The following SPMIP2 variants were observed in gnomAD, a reference collection of about 807,000 sequenced individuals.
SPMIP2 encodes sperm microtubule inner protein 2.
At chr4:159,030,695 C>T in the SPMIP2 span, among the ~76,000 whole-genome samples, 6 of 152,138 alleles carry the variant, frequency 3.9e-5, no homozygotes, top group African/African-American at 1.2e-4. Context: ...TGGGGCTTCA[C>T]CATGTTGGTC....
At chr4:158,979,036 G>A in the SPMIP2 span, among the ~76,000 whole-genome samples, 22 of 152,170 alleles carry the variant, frequency 1.4e-4, no homozygotes, top group African/African-American at 5.1e-4. Flanking sequence ...CCCTGACTGG[G>A]GGTGCTGCCT....
chr4:158,969,967 T>C, the SPMIP2 span, among the ~76,000 whole-genome samples: 103 of 151,948 alleles, frequency 6.8e-4, no homozygotes, highest in Middle Eastern at 6.8e-3. Context: ...AAAGGGTCTA[T>C]AGACAGATAA....
chr4:159,024,333 A>C, the SPMIP2 span, among the ~76,000 whole-genome samples: 1 of 152,164 alleles, frequency 6.6e-6, no homozygotes, highest in Non-Finnish European at 1.5e-5. Flanking sequence ...GGGGGCTTTT[A>C]ATAGGCACGG....
chr4:158,898,740 A>G, the SPMIP2 span, among the ~76,000 whole-genome samples: 1 of 152,150 alleles, frequency 6.6e-6, no homozygotes, highest in Non-Finnish European at 1.5e-5. Flanking sequence ...TTGGGCTGAA[A>G]TGTTGGGGTT....
At chr4:158,993,398 A>T in the SPMIP2 span, among the ~76,000 whole-genome samples, 1 of 151,966 alleles carries the variant, frequency 6.6e-6, no homozygotes, top group African/African-American at 2.4e-5. Flanking sequence ...GAAAAAAAAG[A>T]ACCCAACTAC....
chr4:158,913,717 T>TA, the SPMIP2 span, among the ~76,000 whole-genome samples: 6 of 151,994 alleles, frequency 3.9e-5, no homozygotes, highest in African/African-American at 1.4e-4. Context: ...CCTGTAGTCC[T>TA]AGCTACTCAG....
chr4:158,957,523 T>C, the SPMIP2 span, among the ~76,000 whole-genome samples: 1 of 152,134 alleles, frequency 6.6e-6, no homozygotes, highest in East Asian at 1.9e-4. Context: ...ATCTCCTGGG[T>C]TCAAGTGATT....
At chr4:159,053,572 A>G in the SPMIP2 span, among the ~76,000 whole-genome samples, 46,201 of 151,866 alleles carry the variant, frequency 0.3, 7,745 homozygotes, top group East Asian at 0.64. Flanking sequence ...TGAAAACTCA[A>G]TGTGTGTTTT....
At chr4:159,062,971 G>A in the SPMIP2 span, among the ~76,000 whole-genome samples, 1 of 151,790 alleles carries the variant, frequency 6.6e-6, no homozygotes, top group African/African-American at 2.4e-5. Flanking sequence ...GGGATTACAG[G>A]CATGAGCCCA....
the SPMIP2 span, among the ~76,000 whole-genome samples, chr4:158,971,864 C>CT: frequency 1.3e-5 from 2 of 152,132 alleles, no homozygotes. Context: ...CCATACACAG[C>CT]TAGTAGGTGG....
At chr4:158,915,066 T>C in the SPMIP2 span, 1 of 1,020,902 alleles carries the variant, frequency 9.8e-7, no homozygotes, top group Non-Finnish European at 1.4e-6. Context: ...TAAAAGAAGC[T>C]ACAAAACTGA....
the SPMIP2 span, among the ~76,000 whole-genome samples, chr4:159,030,631 G>C: frequency 2.6e-5 from 4 of 151,752 alleles, no homozygotes; most frequent in South Asian, 4.2e-4. Flanking sequence ...TGAGTAGCTG[G>C]GATTACACGG....
the SPMIP2 span, among the ~76,000 whole-genome samples, chr4:158,898,734 G>C: frequency 1.3e-5 from 2 of 152,142 alleles, no homozygotes; most frequent in African/African-American, 4.8e-5. Context: ...GAGATTTTGG[G>C]CTGAAATGTT....
chr4:158,954,224 A>G, the SPMIP2 span, among the ~76,000 whole-genome samples: 7 of 152,142 alleles, frequency 4.6e-5, no homozygotes, highest in East Asian at 1.3e-3. Flanking sequence ...AGATCATTTG[A>G]ATCATGGGGG....
At chr4:158,915,384 G>A in the SPMIP2 span, 1 of 1,576,156 alleles carries the variant, frequency 6.3e-7, no homozygotes, top group South Asian at 1.1e-5. Context: ...AATTGGTTCT[G>A]AAATGGAAAA....
At chr4:159,059,101 T>G in the SPMIP2 span, among the ~76,000 whole-genome samples, 1 of 152,318 alleles carries the variant, frequency 6.6e-6, no homozygotes, top group African/African-American at 2.4e-5. Flanking sequence ...ATAGGATGGC[T>G]TAGTAAAATG....
At chr4:159,039,830 C>T in the SPMIP2 span, among the ~76,000 whole-genome samples, 1 of 152,236 alleles carries the variant, frequency 6.6e-6, no homozygotes, top group African/African-American at 2.4e-5. Context: ...GAGTTGATAA[C>T]CACTTTACCA....
At chr4:158,968,070 C>T in the SPMIP2 span, among the ~76,000 whole-genome samples, 1 of 152,206 alleles carries the variant, frequency 6.6e-6, no homozygotes, top group Non-Finnish European at 1.5e-5. Flanking sequence ...CACTCTGTCA[C>T]CCAGGCTGGA....
At chr4:158,946,716 C>G in the SPMIP2 span, among the ~76,000 whole-genome samples, 1 of 152,172 alleles carries the variant, frequency 6.6e-6, no homozygotes, top group Non-Finnish European at 1.5e-5. Context: ...ATTCATTTAC[C>G]AAAGACTGAC....
Sources: gnomAD v4.1 joint callset for allele counts (sites outside exome capture counted in the v4.1 genomes callset) on GRCh38, gnomAD v4.1.1 for gene constraint, MANE v1.5 for transcripts, NCBI Gene and HGNC (gene_info 2026-07-23, HGNC 2026-07-21) for gene names.